The following SGK1 variants were observed in gnomAD, a reference collection of about 807,000 sequenced individuals.
SGK1 encodes the protein serine/threonine-protein kinase Sgk1.
A neutral mutation model predicts 64.2 loss-of-function variants in SGK1; 26 were observed. The ratio of observed to expected loss-of-function variants is 0.40; its 90% CI spans 0.30 to 0.56. The LOEUF is 0.56. Among genes scored for constraint, SGK1 ranks in the 20% least tolerant of loss-of-function variants. The pLI, the probability that SGK1 is intolerant of heterozygous loss-of-function variation, is 0.38. For synonymous variants in SGK1, 265 were observed against 239.7 expected, an observed-to-expected ratio of 1.11 and a Z score of -0.98; for missense variants, 519 against 645.6, an observed-to-expected ratio of 0.80 and a Z score of 2.12.
intron 2 of SGK1, among the ~76,000 whole-genome samples, chr6:134,248,599 G>T (rs764297533): frequency 6.6e-6 from 1 of 151,840 alleles, no homozygotes; most frequent in Non-Finnish European, 1.5e-5. Context: ...TTACAGTCAT[G>T]TGCCACGACG....
intron 2 of SGK1, among the ~76,000 whole-genome samples, chr6:134,220,083 A>AAAAAAG (rs1776064991): frequency 1.5e-5 from 2 of 131,654 alleles, no homozygotes; most frequent in African/African-American, 2.7e-5. Flanking sequence ...AAAAAAAAAA[A>AAAAAAG]AAAAGAAAAG....
rs545000709 is a variant in SGK1, at chr6:134,209,231, C to T, written c.286-1800G>A. 8.8e-4 allele frequency among the ~76,000 whole-genome samples: 134 copies of T among 152,126 alleles called. 1 individual carries two copies. In the Middle Eastern group the frequency reaches 0.027, roughly 31 times the overall value. ...GGCGGATCAGCTGAGGTCAGGAGTT[C>T]GAGACCAACCTGGCCAACATGCTGA... On this transcript the variant is annotated intron_variant, in intron 2 of 13. Transcript: ENST00000367858.
chr6:134,266,167 T>G (rs1776852013), intron 1 of SGK1, among the ~76,000 whole-genome samples: 1 of 151,536 alleles, frequency 6.6e-6, no homozygotes, highest in African/African-American at 2.4e-5. Flanking sequence ...GTATTTTTAG[T>G]AGAGACGGGG....
chr6:134,174,725 C>A (rs765038347), intron 3 of SGK1, 139 bp from the exon 4 acceptor site: 1 of 1,614,196 alleles, frequency 6.2e-7, no homozygotes, highest in Non-Finnish European at 8.5e-7. Flanking sequence ...AAGATTCCTG[C>A]ACTCACCGAT....
In SGK1 at chr6:134,317,521, A is replaced by G. The variant is rs747485333; in HGVS notation, c.-61T>C. The G allele has an allele frequency of 2.5e-5, 25 of 993,890 alleles. No homozygotes were observed. Among genetic ancestry groups the G allele is most frequent in the Admixed American group, 1.7e-4 (10 of 59,074 alleles). The allele number at this position is 993,890 out of a possible 1,614,324, so 61.6% of individuals were successfully genotyped here. A position where few individuals can be genotyped will look rare whatever the true frequency, so the allele number is the denominator to read the frequency against. ...GTTGGCACCCGCCTGGTTAGTGCAT[A>G]TCTGTTTCCCCGGTTTACCTCCTGC... On this transcript the variant is annotated 5_prime_UTR_variant, in exon 1 of 14. Coordinates refer to ENST00000367858, the MANE Select transcript of SGK1 (RefSeq NM_001143676.3).
At position 134,172,199 on chromosome 6, in the gene SGK1, C is replaced by T. The variant is rs759715825; in HGVS notation, c.1065G>A (p.Thr355=). The T allele has an allele frequency of 5.6e-6, 9 of 1,613,804 alleles. No homozygotes were observed. The highest frequency in any genetic ancestry group is 1.6e-4 in the Middle Eastern group (1 of 6,082). ...AAACCAAGACAGCGCCTACCTCCGG[C>T]GTGCCACAGAAGGTGGATGTTGTGC... ...HNSTTSTFCG[T]PEYLAPEVLH... is the part of the protein sequence containing the mutation. The change falls in exon 10 of 14, where the codon ACG becomes ACA. Residue 355 remains threonine, a synonymous_variant. Transcript: ENST00000367858.
chr6:134,206,127 A>G (rs1246214697), intron 3 of SGK1, among the ~76,000 whole-genome samples: 2 of 151,912 alleles, frequency 1.3e-5, no homozygotes, highest in African/African-American at 4.8e-5. Flanking sequence ...CCCTAATATC[A>G]TAGTGCAAGT....
intron 3 of SGK1, among the ~76,000 whole-genome samples, chr6:134,206,377 ATATATATTTTT>A (rs1775782563): frequency 4.8e-4 from 2 of 4,148 alleles, no homozygotes; most frequent in African/African-American, 1.3e-3. Flanking sequence ...ATATATATAT[ATATATATTTTT>A]TTTTTTTTTT....
chr6:134,214,211 T>C (rs1775939905), intron 2 of SGK1, among the ~76,000 whole-genome samples: 1 of 152,044 alleles, frequency 6.6e-6, no homozygotes, highest in South Asian at 2.1e-4. Flanking sequence ...TAGCCACCAC[T>C]CAAGGTTTAT....
At chr6:134,310,704 A>G (rs931046984) in intron 1 of SGK1, among the ~76,000 whole-genome samples, 2 of 152,000 alleles carry the variant, frequency 1.3e-5, no homozygotes, top group Non-Finnish European at 2.9e-5. Context: ...TCTCCTGCCT[A>G]GGCCTCCTGA....
chr6:134,261,763 A>T (rs1374880895), intron 2 of SGK1, 170 bp downstream of exon 2: 6 of 641,042 alleles, frequency 9.4e-6, no homozygotes, highest in East Asian at 2.7e-5. Context: ...AGCCTACTTT[A>T]AAAAAATAAC....
At chr6:134,226,466 A>C (rs1344094364) in intron 2 of SGK1, among the ~76,000 whole-genome samples, 4 of 151,920 alleles carry the variant, frequency 2.6e-5, no homozygotes, top group African/African-American at 9.7e-5. Flanking sequence ...TGGGAGGCCA[A>C]GGCTGTGGAT....
chr6:134,255,792 CCGGG>C (rs1373669176), intron 2 of SGK1, among the ~76,000 whole-genome samples: 14 of 151,958 alleles, frequency 9.2e-5, no homozygotes, highest in Admixed American at 8.5e-4. Context: ...ACCATGTTGA[CCGGG>C]CTGGTCTTGA....
chr6:134,260,631 C>A (rs1459084034), intron 2 of SGK1: 8 of 149,128 alleles, frequency 5.4e-5, no homozygotes, highest in African/African-American at 1.7e-4. Flanking sequence ...GAGATCGTGC[C>A]ATTGCACTCC....
chr6:134,288,304 A>G (rs1257591871), intron 1 of SGK1, among the ~76,000 whole-genome samples: 1 of 152,170 alleles, frequency 6.6e-6, no homozygotes, highest in Non-Finnish European at 1.5e-5. Context: ...TTCAGAGAGA[A>G]CCCTTGGTCA....
chr6:134,206,755 T>TACTTGGGGG (rs1775792986), intron 3 of SGK1, among the ~76,000 whole-genome samples: 1 of 149,506 alleles, frequency 6.7e-6, no homozygotes, highest in East Asian at 2.0e-4. Flanking sequence ...TAGTCCCAGC[T>TACTTGGGGG]ACTTGGGGGG....
At chr6:134,172,466 C>A (rs1775061584) in intron 9 of SGK1, 150 bp from the exon 10 acceptor site, 2 of 851,326 alleles carry the variant, frequency 2.3e-6, no homozygotes, top group Admixed American at 2.7e-5. Context: ...TTCTGCTCAT[C>A]TATTCTGGAT....
rs1554219569 is a variant in SGK1 at position 134,189,227 on chromosome 6, T to TGTGTGC, written c.362-14642_362-14641insGCACAC. ...ACAGGTGTGTGTGTGTGTGTGTGTG[T>TGTGTGC]GCGTGTGCGTGTGCATGTGTGTATA... On this transcript the variant is annotated intron_variant, in intron 3 of 13. Coordinates refer to ENST00000367858, the MANE Select transcript of SGK1 (RefSeq NM_001143676.3). Among the ~76,000 whole-genome samples the TGTGTGC allele has an allele frequency of 1.1e-4, 14 of 132,766 alleles. 1 individual carries two copies. The highest frequency in any genetic ancestry group is 4.3e-4 in the African/African-American group (14 of 32,700). 87.1% of individuals were successfully genotyped at this position (132,766 alleles called of 152,430 possible).
intron 1 of SGK1, among the ~76,000 whole-genome samples, chr6:134,287,992 A>C (rs1021096783): frequency 6.6e-6 from 1 of 152,174 alleles, no homozygotes; most frequent in African/African-American, 2.4e-5. Context: ...ACCTAACCTA[A>C]GATGTGACTC....
Sources: gnomAD v4.1 joint callset for allele counts (sites outside exome capture counted in the v4.1 genomes callset) on GRCh38, gnomAD v4.1.1 for gene constraint, MANE v1.5 for transcripts, NCBI Gene and HGNC (gene_info 2026-07-23, HGNC 2026-07-21) for gene names.